PRICKLE1: variants seen among roughly 807,000 people sequenced by gnomAD.
PRICKLE1 encodes prickle planar cell polarity protein 1, also known as prickle-like protein 1.
In PRICKLE1, 14 loss-of-function variants were observed where a neutral mutation model predicts 70.2. The observed-to-expected ratio is 0.20, with a 90% confidence interval of 0.13 to 0.31. The LOEUF (loss-of-function observed/expected upper bound fraction) is 0.31, where lower values mean the gene tolerates loss of function less well. Among genes scored for constraint, PRICKLE1 ranks in the 10% least tolerant of loss-of-function variants. The probability of loss-of-function intolerance (pLI) is 1.00; values close to 1 mark genes in which losing one functional copy is unlikely to be tolerated. For missense variants in PRICKLE1, 821 were observed against 1,026.2 expected (o/e 0.80, Z 2.73); for synonymous variants, 357 against 379.9 (o/e 0.94, Z 0.70).
At chr12:42,468,567 G>T in intron 5 of PRICKLE1, 59 bp downstream of exon 5, 1 of 1,477,362 alleles carries the variant, frequency 6.8e-7, no homozygotes, top group Non-Finnish European at 9.5e-7. Flanking sequence ...GTAAACAGTG[G>T]AATATTGGCT....
chr12:42,569,481 A>C (rs1446508321), intron 1 of PRICKLE1, among the ~76,000 whole-genome samples: 2 of 152,192 alleles, frequency 1.3e-5, no homozygotes, highest in Non-Finnish European at 2.9e-5. Context: ...GGATGTGGGA[A>C]GATTTCTGTG....
At chr12:42,470,648 G>A (rs1938283659) in intron 2 of PRICKLE1, among the ~76,000 whole-genome samples, 1 of 143,044 alleles carries the variant, frequency 7.0e-6, no homozygotes, top group African/African-American at 3.0e-5. Context: ...GCTCACGCCT[G>A]TAATCCCAGC....
chr12:42,511,469 G>A (rs1939511250), intron 1 of PRICKLE1, among the ~76,000 whole-genome samples: 1 of 152,230 alleles, frequency 6.6e-6, no homozygotes, highest in African/African-American at 2.4e-5. Context: ...CCAGGTATGA[G>A]ATTAACAGAA....
intron 1 of PRICKLE1, among the ~76,000 whole-genome samples, chr12:42,575,527 C>T (rs192680562): frequency 6.6e-6 from 1 of 152,070 alleles, no homozygotes; most frequent in East Asian, 1.9e-4. Flanking sequence ...AAACCCATCT[C>T]TACTAAAAAT....
intron 1 of PRICKLE1, among the ~76,000 whole-genome samples, chr12:42,497,542 A>C (rs1939228503): frequency 1.2e-5 from 1 of 81,438 alleles, no homozygotes. Flanking sequence ...GCGAGACTCC[A>C]TCTCAAAAAA....
chr12:42,535,930 TC>T (rs892997830), intron 1 of PRICKLE1, among the ~76,000 whole-genome samples: 13 of 152,164 alleles, frequency 8.5e-5, no homozygotes, highest in African/African-American at 3.1e-4. Flanking sequence ...ATAGTCCCTT[TC>T]CCCCTTGGAG....
At chr12:42,477,055 G>A (rs1168347254) in intron 1 of PRICKLE1, among the ~76,000 whole-genome samples, 7 of 151,862 alleles carry the variant, frequency 4.6e-5, no homozygotes, top group Middle Eastern at 3.4e-3. Context: ...CAGTTCTTAC[G>A]CTTGTAAAAA....
At chr12:42,551,752 G>T (rs1041132570) in intron 1 of PRICKLE1, among the ~76,000 whole-genome samples, 1 of 152,182 alleles carries the variant, frequency 6.6e-6, no homozygotes, top group African/African-American at 2.4e-5. Context: ...CAAAAGGTTG[G>T]CTGTCTGATT....
chr12:42,465,877 T>A, intron 6 of PRICKLE1: 1 of 441,446 alleles, frequency 2.3e-6, no homozygotes, highest in South Asian at 2.2e-5. Flanking sequence ...CAAGGTTATG[T>A]ATTGATGGGT....
At chr12:42,511,020 C>A (rs182554435) in intron 1 of PRICKLE1, among the ~76,000 whole-genome samples, 1 of 152,218 alleles carries the variant, frequency 6.6e-6, no homozygotes. Flanking sequence ...AATCACCAGA[C>A]ACTTCAAAAG....
intron 1 of PRICKLE1, among the ~76,000 whole-genome samples, chr12:42,555,499 A>T (rs1430171289): frequency 6.6e-6 from 1 of 152,200 alleles, no homozygotes; most frequent in African/African-American, 2.4e-5. Flanking sequence ...CACCTTTAAA[A>T]TTTAAAACCT....
chr12:42,549,532 C>T (rs1377113077), intron 1 of PRICKLE1, among the ~76,000 whole-genome samples: 6 of 152,132 alleles, frequency 3.9e-5, no homozygotes, highest in African/African-American at 1.2e-4. Flanking sequence ...ACATCTCCAC[C>T]TCGATGACTC....
chr12:42,571,617 A>C (rs1940714977), intron 1 of PRICKLE1, among the ~76,000 whole-genome samples: 1 of 152,188 alleles, frequency 6.6e-6, no homozygotes, highest in South Asian at 2.1e-4. Context: ...GATGGACGGG[A>C]GCTTACGCTT....
chr12:42,497,395 C>A (rs1939224452), intron 1 of PRICKLE1, among the ~76,000 whole-genome samples: 1 of 151,472 alleles, frequency 6.6e-6, no homozygotes. Flanking sequence ...AATACAAAAA[C>A]AAAATTAGCA....
intron 1 of PRICKLE1, among the ~76,000 whole-genome samples, chr12:42,512,296 G>A (rs1397953167): frequency 6.6e-6 from 1 of 151,826 alleles, no homozygotes; most frequent in African/African-American, 2.4e-5. Context: ...TCAGCCTCCT[G>A]AGTAGCTGGG....
At chr12:42,568,252 G>A (rs939253901) in intron 1 of PRICKLE1, among the ~76,000 whole-genome samples, 6 of 152,192 alleles carry the variant, frequency 3.9e-5, no homozygotes, top group Non-Finnish European at 8.8e-5. Flanking sequence ...TCAGCTCACT[G>A]CAGCCTCTGC....
intron 1 of PRICKLE1, among the ~76,000 whole-genome samples, chr12:42,498,413 A>G (rs1247679951): frequency 1.3e-5 from 2 of 149,372 alleles, no homozygotes; most frequent in African/African-American, 5.0e-5. Context: ...GCCTCAAGCC[A>G]TCCTCCCACC....
intron 1 of PRICKLE1, among the ~76,000 whole-genome samples, chr12:42,547,371 A>G (rs758130830): frequency 6.6e-6 from 1 of 152,226 alleles, no homozygotes; most frequent in Non-Finnish European, 1.5e-5. Flanking sequence ...GAGGCTAGCA[A>G]AAGGTATTCA....
intron 1 of PRICKLE1, among the ~76,000 whole-genome samples, chr12:42,505,204 A>G (rs1341707794): frequency 6.6e-6 from 1 of 152,192 alleles, no homozygotes; most frequent in Non-Finnish European, 1.5e-5. Context: ...AGGATCCATT[A>G]TGATTGCAAA....
Sources: gnomAD v4.1 joint callset for allele counts (sites outside exome capture counted in the v4.1 genomes callset) on GRCh38, gnomAD v4.1.1 for gene constraint, MANE v1.5 for transcripts, NCBI Gene and HGNC (gene_info 2026-07-23, HGNC 2026-07-21) for gene names.